The following IFT52 variants were observed in gnomAD, a reference collection of about 807,000 sequenced individuals.
IFT52 encodes the protein intraflagellar transport protein 52 homolog.
Under a neutral mutation model 54.4 loss-of-function variants are expected in IFT52, and 44 were observed. That is an observed-to-expected ratio of 0.81 (90% CI 0.63 to 1.04). IFT52 has a LOEUF of 1.04. IFT52 is among the 50% of genes least tolerant of loss of function. The pLI, the probability that IFT52 is intolerant of heterozygous loss-of-function variation, is 0.00. For synonymous variants in IFT52, 181 were observed against 185.3 expected (o/e 0.98, Z 0.19); for missense variants, 452 against 523.6 (o/e 0.86, Z 1.33).
intron 12 of IFT52, among the ~76,000 whole-genome samples, chr20:43,641,469 C>T (rs542882371): frequency 6.6e-6 from 1 of 151,572 alleles, no homozygotes; most frequent in Non-Finnish European, 1.5e-5. Context: ...AACTCCCGGC[C>T]TCAGATGATC....
chr20:43,647,070 T>C lies in IFT52; in HGVS notation c.*87T>C. On this transcript the variant is annotated 3_prime_UTR_variant, in exon 14 of 14. Transcript: ENST00000373030. ...TTGTTTTTCAACTCCTTATCAAAAT[T>C]GTTTATACACTCTTTCCTCCATGAG... 1.7e-6 allele frequency: 2 copies of C among 1,145,844 alleles called. No homozygotes were observed. Among genetic ancestry groups the C allele is most frequent in the Non-Finnish European group, 2.6e-6 (2 of 755,902 alleles). 71.0% of individuals were successfully genotyped at this position (1,145,844 alleles called of 1,614,324 possible).
intron 2 of IFT52, among the ~76,000 whole-genome samples, chr20:43,595,441 C>G (rs745514039): frequency 1.3e-5 from 2 of 150,000 alleles, no homozygotes; most frequent in Non-Finnish European, 3.0e-5. Context: ...CCCAGCTGCT[C>G]GGGAGGCTGA....
chr20:43,616,162 A>G (rs910622316), intron 7 of IFT52, among the ~76,000 whole-genome samples: 7 of 152,114 alleles, frequency 4.6e-5, no homozygotes, highest in Admixed American at 1.3e-4. Context: ...AACCGATTTC[A>G]TTTTGTATTT....
chr20:43,625,448 C>T (rs1170412836), intron 10 of IFT52, among the ~76,000 whole-genome samples: 2 of 151,814 alleles, frequency 1.3e-5, no homozygotes. Context: ...GCAGAGATGG[C>T]GGTGAGTCAA....
At chr20:43,592,781 A>G (rs1178253403) in intron 1 of IFT52, among the ~76,000 whole-genome samples, 1 of 152,180 alleles carries the variant, frequency 6.6e-6, no homozygotes, top group Non-Finnish European at 1.5e-5. Context: ...AGCCAAATAA[A>G]CTTATGAAAA....
rs145397901 is a variant in IFT52, at chr20:43,622,854, A to G, written c.769-1037A>G. On this transcript the variant is annotated intron_variant, in intron 9 of 13. Transcript: ENST00000373030. ...TATGTGTAAATATAAATATATACAT[A>G]TATTTAACCACTCTCCTGTTGGCAG... Among the ~76,000 whole-genome samples, 372 of 151,056 alleles carry G rather than the reference A, an allele frequency of 2.5e-3. 2 individuals carry two copies. The highest frequency in any genetic ancestry group is 8.7e-3 in the African/African-American group (358 of 41,362).
At position 43,613,914 on chromosome 20, in the gene IFT52, C is replaced by T. The variant is rs757304461; in HGVS notation, c.550C>T (p.Leu184=). Reference sequence around the variant, plus strand: ...TGTCATGAAACCAGCAGTGGCGGTTCTGTCTACAGGTTCTGTCTGCTTCCC... The same window carrying T: ...TGTCATGAAACCAGCAGTGGCGGTTTTGTCTACAGGTTCTGTCTGCTTCCC... ...LSVMKPAVAV[L]STGSVCFPLN... is the part of the protein sequence containing the mutation. The change falls in exon 7 of 14, where the codon CTG becomes TTG. Residue 184 remains leucine (L), a synonymous_variant. Transcript: ENST00000373030. 1 of 1,613,854 alleles carries T rather than the reference C, an allele frequency of 6.2e-7. No homozygotes were observed. Among genetic ancestry groups the T allele is most frequent in the Non-Finnish European group, 8.5e-7 (1 of 1,179,734 alleles).
rs1229224793 is a variant in IFT52, at chr20:43,618,242, G to A, written c.613-698G>A. 2.1e-5 allele frequency: 3 copies of A among 144,950 alleles called. No individual in the cohort carries two copies. In the Admixed American group the frequency reaches 2.1e-4, roughly 10 times the overall value. The allele number at this position is 144,950 out of a possible 1,614,324, so 9.0% of individuals were successfully genotyped here. On this transcript the variant is annotated intron_variant, in intron 7 of 13. Coordinates refer to ENST00000373030, the MANE Select transcript of IFT52 (RefSeq NM_016004.5). Reference sequence around the variant, plus strand: ...TTTTTTTTTTTTTTTAATTTTTAGAGACAGGGTTTCCCAGGCTGGAGTGCA... The same window carrying A: ...TTTTTTTTTTTTTTTAATTTTTAGAAACAGGGTTTCCCAGGCTGGAGTGCA...
At chr20:43,639,391 C>T (rs1472658011) in intron 12 of IFT52, among the ~76,000 whole-genome samples, 3 of 151,926 alleles carry the variant, frequency 2.0e-5, no homozygotes, top group African/African-American at 7.3e-5. Context: ...AAAAAAAAGG[C>T]TGGGTGCAGT....
chr20:43,599,251 T>A (rs907174927), intron 3 of IFT52, among the ~76,000 whole-genome samples: 29 of 151,848 alleles, frequency 1.9e-4, no homozygotes, highest in Admixed American at 1.3e-3. Flanking sequence ...AATGAGAGAG[T>A]TGGCCTGATG....
At chr20:43,604,727 C>T (rs900324380) in intron 5 of IFT52, among the ~76,000 whole-genome samples, 1 of 151,966 alleles carries the variant, frequency 6.6e-6, no homozygotes, top group East Asian at 1.9e-4. Context: ...TACTATATTA[C>T]TACTACTCAT....
Position 43,645,353 on chromosome 20 carries a change from C to T in IFT52, c.1267-1583C>T, listed in dbSNP as rs1326799978. Among the ~76,000 whole-genome samples the T allele has an allele frequency of 3.6e-5, 2 of 55,486 alleles. 1 individual carries two copies. The highest frequency in any genetic ancestry group is 1.3e-3 in the East Asian group (2 of 1,600). The allele number at this position is 55,486 out of a possible 152,430, so 36.4% of individuals were successfully genotyped here. On this transcript the variant is annotated intron_variant, in intron 13 of 13. Coordinates refer to ENST00000373030, the MANE Select transcript of IFT52 (RefSeq NM_016004.5). ...CAGGTGGATCACGAGGTCAGGAGAT[C>T]GAGACCATACTGGCTAACACAGTGA...
In IFT52 at chr20:43,613,869, C is replaced by A. The variant is rs1271418722; in HGVS notation, c.505C>A (p.Pro169Thr). 1.2e-6 allele frequency: 2 copies of A among 1,613,970 alleles called. No homozygotes were observed. The highest frequency in any genetic ancestry group is 1.7e-6 in the Non-Finnish European group (2 of 1,179,878). ...TTACAGGGCTCTCACCTTTGTGTATCCTTTTGGTGCCACATTGAGTGTCAT... is the reference window on the plus strand; with the variant it reads ...TTACAGGGCTCTCACCTTTGTGTATACTTTTGGTGCCACATTGAGTGTCAT... ...NNAQALTFVYPFGATLSVMKP... is the reference protein window; with the variant it reads ...NNAQALTFVYTFGATLSVMKP... Residue 169 changes from proline (P) to threonine (T), a missense_variant, in exon 7 of 14, where the codon CCT becomes ACT. Coordinates refer to ENST00000373030, the MANE Select transcript of IFT52 (RefSeq NM_016004.5).
chr20:43,623,826 T>G, intron 9 of IFT52, 65 bp from the exon 10 acceptor site: 1 of 1,526,118 alleles, frequency 6.6e-7, no homozygotes, highest in Non-Finnish European at 8.9e-7. Context: ...CCTGAGACAG[T>G]GGAGACTTGA....
rs181088051 is a variant in IFT52, at chr20:43,591,034, G to C, written c.-27G>C. 7.7e-4 allele frequency: 118 copies of C among 152,442 alleles called. 1 individual carries two copies. Among genetic ancestry groups the C allele is most frequent in the African/African-American group, 2.6e-3 (109 of 41,596 alleles). The allele number at this position is 152,442 out of a possible 1,614,324, so 9.4% of individuals were successfully genotyped here. On this transcript the variant is annotated 5_prime_UTR_variant, in exon 1 of 14. Transcript: ENST00000373030. Reference sequence around the variant, plus strand: ...CGGGATGCTGGGCGGCGTCAGGTGAGCGGTGGTCGCTGGGCCTCAGGTAAA... The same window carrying C: ...CGGGATGCTGGGCGGCGTCAGGTGACCGGTGGTCGCTGGGCCTCAGGTAAA...
chr20:43,644,112 A>G lies in IFT52; in HGVS notation c.1266+1488A>G, dbSNP rs1335452082. Among the ~76,000 whole-genome samples, 4 of 56,912 alleles carry G rather than the reference A, an allele frequency of 7.0e-5. 2 individuals carry two copies. Among genetic ancestry groups the G allele is most frequent in the African/African-American group, 1.0e-4 (2 of 19,584 alleles). The allele number at this position is 56,912 out of a possible 152,430, so 37.3% of individuals were successfully genotyped here. A position where few individuals can be genotyped will look rare whatever the true frequency, so the allele number is the denominator to read the frequency against. On this transcript the variant is annotated intron_variant, in intron 13 of 13. Coordinates refer to ENST00000373030, the MANE Select transcript of IFT52 (RefSeq NM_016004.5). ...ACAGAGCAAGACTCTGTCTCAAAAA[A>G]AAAAGAAAAAGAAATCATCTTTCTC...
intron 9 of IFT52, 40 bp downstream of exon 9, chr20:43,620,965 A>G: frequency 6.9e-7 from 1 of 1,448,228 alleles, no homozygotes; most frequent in East Asian, 2.3e-5. Context: ...ATGAAAAATG[A>G]GTCCAGCTTC....
intron 6 of IFT52, among the ~76,000 whole-genome samples, chr20:43,608,329 C>G (rs1983141352): frequency 6.6e-6 from 1 of 152,194 alleles, no homozygotes; most frequent in Non-Finnish European, 1.5e-5. Flanking sequence ...TATGAGCACA[C>G]ACCTTTTTCC....
At chr20:43,646,655 G>A (rs1023831596) in intron 13 of IFT52, among the ~76,000 whole-genome samples, 37 of 152,122 alleles carry the variant, frequency 2.4e-4, no homozygotes, top group Non-Finnish European at 5.4e-4. Flanking sequence ...ACAGACACCC[G>A]AGGCCAATAT....
Sources: allele counts gnomAD v4.1 joint callset (sites outside exome capture counted in the v4.1 genomes callset), GRCh38; gene constraint gnomAD v4.1.1; transcripts MANE v1.5; gene names NCBI Gene and HGNC (gene_info 2026-07-23, HGNC 2026-07-21).